Variants in TAFA4 observed in about 807,000 individuals in gnomAD.
The protein encoded by TAFA4 is chemokine-like protein TAFA-4.
TAFA4 carries 20 observed loss-of-function variants against 21.1 expected under a neutral mutation model. The ratio of observed to expected loss-of-function variants is 0.95; its 90% confidence interval spans 0.67 to 1.38. TAFA4 has a LOEUF of 1.38. TAFA4 is among the 40% of genes most tolerant of loss of function. The pLI is 0.00. For missense variants in TAFA4, 211 were observed against 180.9 expected (o/e 1.17, Z -0.95); for synonymous variants, 71 against 67.4 (o/e 1.05, Z -0.26).
chr3:68,734,540 A>G (rs1702205595), intron 5 of TAFA4, among the ~76,000 whole-genome samples: 1 of 152,112 alleles, frequency 6.6e-6, no homozygotes, highest in African/African-American at 2.4e-5. Flanking sequence ...TGAGGAATGC[A>G]TGGCAAGACT....
intron 2 of TAFA4, chr3:68,882,824 G>A (rs2089632866): frequency 6.6e-6 from 1 of 152,172 alleles, no homozygotes; most frequent in African/African-American, 2.4e-5. Flanking sequence ...TCCTCTTCAT[G>A]TGTGTACACT....
intron 1 of TAFA4, among the ~76,000 whole-genome samples, chr3:68,925,101 A>C (rs1559565322): frequency 6.6e-6 from 1 of 152,184 alleles, no homozygotes; most frequent in Non-Finnish European, 1.5e-5. Flanking sequence ...GCAGACAAAG[A>C]GCAGGACAGA....
intron 3 of TAFA4, among the ~76,000 whole-genome samples, chr3:68,786,556 T>G (rs989789458): frequency 1.3e-5 from 2 of 152,272 alleles, no homozygotes; most frequent in African/African-American, 4.8e-5. Flanking sequence ...CACTTTCTAC[T>G]GTTTGAAATC....
intron 3 of TAFA4, among the ~76,000 whole-genome samples, chr3:68,820,556 A>G (rs1300496000): frequency 6.6e-6 from 1 of 152,062 alleles, no homozygotes; most frequent in Admixed American, 6.6e-5. Flanking sequence ...GCATGTGCCT[A>G]TAATTCCATC....
chr3:68,732,327 C>T lies in TAFA4; in HGVS notation c.*815G>A, dbSNP rs929557547. On this transcript the variant is annotated 3_prime_UTR_variant, in exon 6 of 6. Coordinates refer to ENST00000295569, the MANE Select transcript of TAFA4 (RefSeq NM_182522.5). ...TTTGATCTAAGAAATAACCCTTGATCTAAATTGAGATTGTTTTATATTTTA... is the reference window on the plus strand; with the variant it reads ...TTTGATCTAAGAAATAACCCTTGATTTAAATTGAGATTGTTTTATATTTTA... The T allele has an allele frequency of 6.6e-6, 1 of 152,412 alleles. No individual in the cohort carries two copies. The highest frequency in any genetic ancestry group is 1.5e-5 in the Non-Finnish European group (1 of 68,006). 9.4% of individuals were successfully genotyped at this position (152,412 alleles called of 1,614,324 possible).
intron 1 of TAFA4, among the ~76,000 whole-genome samples, chr3:68,923,168 T>C (rs1482230398): frequency 6.6e-6 from 1 of 152,184 alleles, no homozygotes; most frequent in East Asian, 1.9e-4. Context: ...AAACGTTAAT[T>C]TCAAGTATAT....
intron 3 of TAFA4, among the ~76,000 whole-genome samples, chr3:68,808,711 G>T (rs1039316182): frequency 8.5e-5 from 13 of 152,150 alleles, no homozygotes; most frequent in African/African-American, 2.9e-4. Context: ...TAAAAACCTA[G>T]AGATAACAAT....
chr3:68,811,444 G>C (rs903417677), intron 3 of TAFA4, among the ~76,000 whole-genome samples: 4 of 152,230 alleles, frequency 2.6e-5, no homozygotes, highest in Middle Eastern at 3.4e-3. Context: ...TAGAAGAATG[G>C]ATAACTAGAA....
intron 3 of TAFA4, among the ~76,000 whole-genome samples, chr3:68,877,161 C>G (rs569654709): frequency 6.6e-6 from 1 of 152,104 alleles, no homozygotes; most frequent in South Asian, 2.1e-4. Context: ...GAGTTCGAGA[C>G]CAGCCTGGAT....
At position 68,855,280 on chromosome 3, in the gene TAFA4, G is replaced by A. The variant is rs572027535; in HGVS notation, c.130+25450C>T. On this transcript the variant is annotated intron_variant, in intron 3 of 5. Coordinates refer to ENST00000295569, the MANE Select transcript of TAFA4 (RefSeq NM_182522.5). ...AAAATCAGCAAAGTTTTGGTATATA[G>A]TAAGAACACCTTGATTTATTCTTGT... 2.6e-5 allele frequency among the ~76,000 whole-genome samples: 4 copies of A among 152,238 alleles called. No homozygotes were observed. The South Asian group carries it at 8.3e-4, about 32-fold the overall frequency.
intron 3 of TAFA4, among the ~76,000 whole-genome samples, chr3:68,774,701 T>A (rs1703019501): frequency 6.6e-6 from 1 of 152,182 alleles, no homozygotes; most frequent in African/African-American, 2.4e-5. Flanking sequence ...TCAAGAATTT[T>A]AATGTAAAAT....
chr3:68,824,118 C>T (rs1204991531), intron 3 of TAFA4, among the ~76,000 whole-genome samples: 2 of 152,128 alleles, frequency 1.3e-5, no homozygotes, highest in African/African-American at 4.8e-5. Context: ...TAAATAACTG[C>T]CCTAAGTTAT....
intron 3 of TAFA4, among the ~76,000 whole-genome samples, chr3:68,778,626 C>G (rs776509647): frequency 6.6e-5 from 10 of 152,256 alleles, no homozygotes; most frequent in Admixed American, 6.5e-5. Flanking sequence ...GAGGTGTTCC[C>G]CTGCACAAGC....
chr3:68,752,487 T>C (rs1337559900), intron 4 of TAFA4, among the ~76,000 whole-genome samples: 1 of 152,130 alleles, frequency 6.6e-6, no homozygotes. Context: ...TACTAACATA[T>C]AACACCAAGC....
chr3:68,872,202 A>G (rs909756958), intron 3 of TAFA4, among the ~76,000 whole-genome samples: 5 of 152,182 alleles, frequency 3.3e-5, no homozygotes, highest in African/African-American at 1.2e-4. Flanking sequence ...ATATATATAT[A>G]TAATGGAATA....
At chr3:68,739,595 T>C (rs1279605298) in intron 4 of TAFA4, among the ~76,000 whole-genome samples, 1 of 152,100 alleles carries the variant, frequency 6.6e-6, no homozygotes, top group Non-Finnish European at 1.5e-5. Flanking sequence ...ACAGCACTAG[T>C]AATAAATAGC....
chr3:68,756,690 G>C (rs1324519145), intron 3 of TAFA4, among the ~76,000 whole-genome samples: 1 of 152,172 alleles, frequency 6.6e-6, no homozygotes, highest in African/African-American at 2.4e-5. Flanking sequence ...CCAGTACCCA[G>C]AGAATCAAAC....
At chr3:68,734,752 A>G (rs1314879711) in intron 5 of TAFA4, among the ~76,000 whole-genome samples, 1 of 152,082 alleles carries the variant, frequency 6.6e-6, no homozygotes, top group Non-Finnish European at 1.5e-5. Flanking sequence ...GTCAAAGAGT[A>G]AATAAAATAT....
At chr3:68,858,415 A>T (rs1705120231) in intron 3 of TAFA4, among the ~76,000 whole-genome samples, 1 of 152,146 alleles carries the variant, frequency 6.6e-6, no homozygotes, top group African/African-American at 2.4e-5. Flanking sequence ...ATGAATGTCT[A>T]TGTAAAGCAA....
Sources: allele counts gnomAD v4.1 joint callset (sites outside exome capture counted in the v4.1 genomes callset), GRCh38; gene constraint gnomAD v4.1.1; transcripts MANE v1.5; gene names NCBI Gene and HGNC (gene_info 2026-07-23, HGNC 2026-07-21).